JPT2: variants seen among roughly 807,000 people sequenced by gnomAD.
JPT2 encodes CRAMP_1 like.
Under a neutral mutation model 15.9 loss-of-function variants are expected in JPT2, and 9 were observed. The ratio of observed to expected loss-of-function variants is 0.57; its 90% CI spans 0.34 to 0.99. The LOEUF (loss-of-function observed/expected upper bound fraction) is 0.99, where lower values mean the gene tolerates loss of function less well. JPT2 is among the 50% of genes least tolerant of loss of function. The pLI is 0.02. For missense variants in JPT2, 267 were observed against 252.1 expected, an observed-to-expected ratio of 1.06 and a Z score of -0.40; for synonymous variants, 95 against 91.7, an observed-to-expected ratio of 1.04 and a Z score of -0.21.
Position 1,693,169 on chromosome 16 carries a change from A to C in JPT2, c.336+1184A>C, listed in dbSNP as rs572787300. Among the ~76,000 whole-genome samples the C allele has an allele frequency of 4.6e-5, 7 of 152,216 alleles. No homozygotes were observed. The East Asian group carries it at 1.2e-3, about 25-fold the overall frequency. On this transcript the variant is annotated intron_variant, in intron 3 of 4. Coordinates refer to ENST00000248098, the MANE Select transcript of JPT2 (RefSeq NM_144570.3). ...GGCTGGAGTGCAGTGGCACGATCTC[A>C]ACTCACTGCAGCCACTATCTCCTGG...
Position 1,685,507 on chromosome 16 carries a change from G to A in JPT2, c.113G>A (p.Ser38Asn). The change falls in exon 2 of 5, where the codon AGC (serine) becomes AAC (asparagine). Residue 38 changes from serine (S) to asparagine (N), a missense_variant. By Grantham distance (46) the Ser-to-Asn change is conservative. Transcript: ENST00000248098. ...AGTCCAGAAGAAGCTACTCCTTCCA[G>A]CAGGCCTAATAGGATGGCATCTAAT... ...FGSPEEATPS[S>N]RPNRMASNIF... 3 of 1,614,104 alleles carry A rather than the reference G, an allele frequency of 1.9e-6. No homozygotes were observed. The highest frequency in any genetic ancestry group is 1.3e-5 in the African/African-American group (1 of 75,010).
intron 3 of JPT2, among the ~76,000 whole-genome samples, chr16:1,693,740 A>G (rs1293334606): frequency 6.6e-6 from 1 of 151,722 alleles, no homozygotes; most frequent in Non-Finnish European, 1.5e-5. Context: ...ATTCCAGGTC[A>G]GGGTCAGGGA....
intron 1 of JPT2, among the ~76,000 whole-genome samples, chr16:1,679,726 G>A (rs1567467375): frequency 6.6e-6 from 1 of 150,516 alleles, no homozygotes; most frequent in Non-Finnish European, 1.5e-5. Context: ...TAGATTTGAG[G>A]GAGTTAGGTC....
At chr16:1,689,041 C>T (rs1183349277) in intron 2 of JPT2, 3 of 152,146 alleles carry the variant, frequency 2.0e-5, no homozygotes, top group Non-Finnish European at 4.4e-5. Context: ...TGGGAACGGG[C>T]ACTGTTCTCG....
At chr16:1,678,561 C>T (rs868585710) in intron 1 of JPT2, among the ~76,000 whole-genome samples, 2 of 152,138 alleles carry the variant, frequency 1.3e-5, no homozygotes, top group Admixed American at 6.5e-5. Context: ...CGCTGAGGCC[C>T]GGGCTGTGGA....
chr16:1,689,576 C>T (rs1372406673), intron 2 of JPT2: 1 of 152,180 alleles, frequency 6.6e-6, no homozygotes, highest in East Asian at 1.9e-4. Context: ...GTCCTCTCAC[C>T]TCAACCTTCT....
At chr16:1,702,258 A>G, downstream of JPT2, 2 of 437,586 alleles carry the variant, frequency 4.6e-6, no homozygotes, top group East Asian at 7.1e-5. Flanking sequence ...CGCTTGAGAA[A>G]GAAAACCAAC....
At chr16:1,685,809 A>G (rs1596506067) in intron 2 of JPT2, 4 of 421,562 alleles carry the variant, frequency 9.5e-6, no homozygotes, top group Non-Finnish European at 1.6e-5. Context: ...TTGGTTGAAT[A>G]CAGGCACTGA....
In JPT2 at chr16:1,683,922, G is replaced by A. The variant is rs1056966219; in HGVS notation, c.45-1517G>A. On this transcript the variant is annotated intron_variant, in intron 1 of 4. Transcript: ENST00000248098. ...CGGGAGTTGGTTCCAGGACCCCCAGGATGCCAAAATCCAAGGATGTGTAAG... is the reference window on the plus strand; with the variant it reads ...CGGGAGTTGGTTCCAGGACCCCCAGAATGCCAAAATCCAAGGATGTGTAAG... 2.6e-5 allele frequency among the ~76,000 whole-genome samples: 4 copies of A among 152,162 alleles called. No homozygotes were observed. In the East Asian group the frequency reaches 5.8e-4, roughly 22 times the overall value.
chr16:1,680,487 C>T (rs1200660815), intron 1 of JPT2: 2 of 1,253,106 alleles, frequency 1.6e-6, no homozygotes, highest in Non-Finnish European at 2.1e-6. Context: ...CCGGTCTGAA[C>T]TGGATGATGA....
chr16:1,685,400 G>T (rs905458693), intron 1 of JPT2, 39 bp from the exon 2 acceptor site: 4 of 1,605,866 alleles, frequency 2.5e-6, no homozygotes, highest in Admixed American at 3.4e-5. Context: ...AAGCTTTCAG[G>T]TCTGCCATCA....
downstream of JPT2, among the ~76,000 whole-genome samples, chr16:1,702,800 G>C (rs749754533): frequency 3.3e-5 from 5 of 152,196 alleles, no homozygotes; most frequent in Non-Finnish European, 7.3e-5. Flanking sequence ...GGAACTGTGT[G>C]GCTTCTTAGC....
At chr16:1,693,926 A>C (rs1220068634) in intron 3 of JPT2, among the ~76,000 whole-genome samples, 1 of 152,012 alleles carries the variant, frequency 6.6e-6, no homozygotes, top group Non-Finnish European at 1.5e-5. Context: ...AAATTCACCA[A>C]CTGTTCAGAA....
downstream of JPT2, chr16:1,702,319 C>A (rs940024863): frequency 6.4e-6 from 2 of 312,212 alleles, no homozygotes; most frequent in South Asian, 2.5e-5. Flanking sequence ...GGGTATAGAG[C>A]GAGTTCCAAG....
At chr16:1,690,806 CTT>C (rs962220604) in intron 2 of JPT2, among the ~76,000 whole-genome samples, 4 of 152,232 alleles carry the variant, frequency 2.6e-5, no homozygotes, top group Non-Finnish European at 5.9e-5. Flanking sequence ...ATAGATACCT[CTT>C]TATCATTGCA....
chr16:1,680,225 C>T, intron 1 of JPT2: 2 of 624,062 alleles, frequency 3.2e-6, no homozygotes, highest in Non-Finnish European at 4.0e-6. Context: ...CATCCCCAGC[C>T]CTGTCCCAGT....
intron 1 of JPT2, chr16:1,680,554 T>C (rs2037014839): frequency 1.7e-6 from 2 of 1,146,962 alleles, no homozygotes; most frequent in Non-Finnish European, 2.2e-6. Flanking sequence ...TTGCCACTCA[T>C]CTGAACGGGG....
chr16:1,700,053 C>T lies in JPT2; in HGVS notation c.*1055C>T, dbSNP rs1567473088. On this transcript the variant is annotated 3_prime_UTR_variant, in exon 5 of 5. Coordinates refer to ENST00000248098, the MANE Select transcript of JPT2 (RefSeq NM_144570.3). ...TACATAAATGATTGTTGACTCTGGT[C>T]TGTTTCTGACACCTTTCCAGAAAAA... is the stretch of plus-strand genomic sequence containing the variant. The T allele has an allele frequency of 2.3e-6, 1 of 426,924 alleles. No individual in the cohort carries two copies. The highest frequency in any genetic ancestry group is 4.8e-6 in the Non-Finnish European group (1 of 207,306). The allele number at this position is 426,924 out of a possible 1,614,324, so 26.4% of individuals were successfully genotyped here. A position where few individuals can be genotyped will look rare whatever the true frequency, so the allele number is the denominator to read the frequency against.
Position 1,698,907 on chromosome 16 carries a change from A to T in JPT2, c.482A>T (p.Asp161Val). 2 of 1,614,236 alleles carry T rather than the reference A, an allele frequency of 1.2e-6. No individual in the cohort carries two copies. The highest frequency in any genetic ancestry group is 1.7e-6 in the Non-Finnish European group (2 of 1,180,030). Residue 161 changes from aspartate to valine, a missense_variant, in exon 5 of 5, where the codon GAC (aspartate) becomes GTC (valine). By Grantham distance (152) the Asp-to-Val change is radical. Coordinates refer to ENST00000248098, the MANE Select transcript of JPT2 (RefSeq NM_144570.3). The surrounding 1 kb of genome is among the most constrained non-coding windows in gnomAD (Gnocchi z 4.9). ...AKEQEPMPTV[D>V]SHEPRLGPRP... ...GAGCAGGAGCCCATGCCCACAGTCG[A>T]CAGCCATGAGCCCCGGCTGGGGCCG...
Sources: allele counts gnomAD v4.1 joint callset (sites outside exome capture counted in the v4.1 genomes callset), GRCh38; gene constraint gnomAD v4.1.1; non-coding constraint Gnocchi (gnomAD v3.1); transcripts MANE v1.5; gene names NCBI Gene and HGNC (gene_info 2026-07-23, HGNC 2026-07-21).